The following RBMS1 variants were observed in gnomAD, a reference collection of about 807,000 sequenced individuals.
RBMS1 encodes the protein RNA binding motif single stranded interacting protein 1.
A neutral mutation model predicts 62.3 loss-of-function variants in RBMS1; 17 were observed. That is an observed-to-expected ratio of 0.27 (90% CI 0.19 to 0.41). The LOEUF is 0.41. Among genes scored for constraint, RBMS1 ranks in the 10% least tolerant of loss-of-function variants. The probability of loss-of-function intolerance (pLI) is 1.00; values close to 1 mark genes in which losing one functional copy is unlikely to be tolerated. For missense variants in RBMS1, 334 were observed against 504.5 expected, an observed-to-expected ratio of 0.66 and a Z score of 3.24; for synonymous variants, 172 against 170.0, an observed-to-expected ratio of 1.01 and a Z score of -0.09.
intron 2 of RBMS1, among the ~76,000 whole-genome samples, chr2:160,341,318 C>T (rs555946942): frequency 8.2e-4 from 125 of 152,224 alleles, no homozygotes; most frequent in Middle Eastern, 6.8e-3. Context: ...TTGTGATAAA[C>T]ACCCTTTTAC....
chr2:160,406,900 G>A (rs939472196), intron 1 of RBMS1, among the ~76,000 whole-genome samples: 2 of 152,148 alleles, frequency 1.3e-5, no homozygotes, highest in African/African-American at 4.8e-5. Flanking sequence ...TCTGCAACTA[G>A]GATGTCACAG....
intron 2 of RBMS1, among the ~76,000 whole-genome samples, chr2:160,320,430 G>A (rs116699217): frequency 0.011 from 1,641 of 152,246 alleles, 39 homozygotes; most frequent in African/African-American, 0.035. Context: ...CCATGATCTC[G>A]TCACTGCACT....
chr2:160,461,473 C>T (rs1031133560), intron 1 of RBMS1, among the ~76,000 whole-genome samples: 2 of 152,118 alleles, frequency 1.3e-5, no homozygotes, highest in East Asian at 3.9e-4. Flanking sequence ...ACAGGAATGA[C>T]TTCCTGTCCC....
At chr2:160,433,628 G>A (rs953532485) in intron 1 of RBMS1, among the ~76,000 whole-genome samples, 18 of 152,188 alleles carry the variant, frequency 1.2e-4, no homozygotes, top group African/African-American at 4.3e-4. Context: ...CAATGTTAAA[G>A]TGAAAAATAG....
At chr2:160,286,049 T>C (rs1321904314) in intron 7 of RBMS1, among the ~76,000 whole-genome samples, 1 of 151,960 alleles carries the variant, frequency 6.6e-6, no homozygotes, top group Non-Finnish European at 1.5e-5. Flanking sequence ...AGGCAGAGCT[T>C]GCAGTGAGCG....
At position 160,441,716 on chromosome 2, in the gene RBMS1, G is replaced by A. The variant is rs185066041; in HGVS notation, c.75+51573C>T. 3.5e-4 allele frequency among the ~76,000 whole-genome samples: 54 copies of A among 152,294 alleles called. No homozygotes were observed. In the East Asian group the frequency reaches 5.4e-3, roughly 15 times the overall value. ...TCCAGCCTAGGCAACAGAGTGAGAC[G>A]AAAACTTTATAAGAAACTGCTGAAC... On this transcript the variant is annotated intron_variant, in intron 1 of 13. Coordinates refer to ENST00000348849, the MANE Select transcript of RBMS1 (RefSeq NM_016836.4).
chr2:160,307,029 T>G (rs1439586133), intron 4 of RBMS1, among the ~76,000 whole-genome samples: 2 of 151,990 alleles, frequency 1.3e-5, no homozygotes, highest in African/African-American at 4.8e-5. Context: ...AGTAGAAAAC[T>G]AGATCTCACA....
At chr2:160,466,482 G>A (rs1684696484) in intron 1 of RBMS1, among the ~76,000 whole-genome samples, 1 of 152,076 alleles carries the variant, frequency 6.6e-6, no homozygotes, top group African/African-American at 2.4e-5. Flanking sequence ...TTAAATTTGA[G>A]AATTGGAACA....
At chr2:160,485,787 T>C (rs1406242033) in intron 1 of RBMS1, among the ~76,000 whole-genome samples, 1 of 152,006 alleles carries the variant, frequency 6.6e-6, no homozygotes. Context: ...AAAAAGAGGC[T>C]GAGATTAGGC....
chr2:160,324,907 T>TATAC (rs1321182985), intron 2 of RBMS1, among the ~76,000 whole-genome samples: 288 of 106,770 alleles, frequency 2.7e-3, no homozygotes, highest in Non-Finnish European at 3.4e-3. Context: ...TATATATATA[T>TATAC]ACACACACAC....
intron 1 of RBMS1, among the ~76,000 whole-genome samples, chr2:160,426,286 AAAGAAAAG>A (rs1172598512): frequency 1.9e-5 from 2 of 103,722 alleles, no homozygotes; most frequent in African/African-American, 8.1e-5. Flanking sequence ...AGAAAGAAAG[AAAGAAAAG>A]AAAGAAGGAA....
At chr2:160,379,993 T>C (rs776106799) in intron 1 of RBMS1, among the ~76,000 whole-genome samples, 1 of 152,232 alleles carries the variant, frequency 6.6e-6, no homozygotes, top group Non-Finnish European at 1.5e-5. Context: ...TCTTCTTTCA[T>C]GATATTTAGT....
intron 4 of RBMS1, among the ~76,000 whole-genome samples, chr2:160,304,915 C>T (rs1405686956): frequency 1.3e-5 from 2 of 151,996 alleles, no homozygotes; most frequent in African/African-American, 2.4e-5. Context: ...AGTGCAGTGG[C>T]GCGATCTCAG....
chr2:160,358,947 T>A lies in RBMS1; in HGVS notation c.251+8269A>T, dbSNP rs536331721. On this transcript the variant is annotated intron_variant, in intron 2 of 13. Coordinates refer to ENST00000348849, the MANE Select transcript of RBMS1 (RefSeq NM_016836.4). Reference sequence around the variant, plus strand: ...TCAGTAGCTTTGTAAAATACCATTTTAAAAAAAACAGAAAATTCAAACAAC... The same window carrying A: ...TCAGTAGCTTTGTAAAATACCATTTAAAAAAAAACAGAAAATTCAAACAAC... Among the ~76,000 whole-genome samples the A allele has an allele frequency of 1.7e-3, 252 of 151,904 alleles. 1 individual carries two copies. The highest frequency in any genetic ancestry group is 3.9e-3 in the African/African-American group (161 of 41,452).
intron 4 of RBMS1, among the ~76,000 whole-genome samples, chr2:160,307,160 C>T (rs1259303535): frequency 2.6e-5 from 4 of 151,980 alleles, no homozygotes; most frequent in African/African-American, 9.7e-5. Context: ...AAAACCTCCC[C>T]GTGCGTGTGG....
At chr2:160,435,437 G>A (rs1440499741) in intron 1 of RBMS1, among the ~76,000 whole-genome samples, 2 of 152,168 alleles carry the variant, frequency 1.3e-5, no homozygotes, top group African/African-American at 2.4e-5. Flanking sequence ...AAGGTGACCC[G>A]AACATCAGTC....
chr2:160,321,445 T>C (rs1449070699), intron 2 of RBMS1, among the ~76,000 whole-genome samples: 2 of 152,248 alleles, frequency 1.3e-5, no homozygotes, highest in Non-Finnish European at 2.9e-5. Context: ...TTTTAATTAA[T>C]GAATCTCCTC....
chr2:160,355,405 G>A (rs1326667283), intron 2 of RBMS1, among the ~76,000 whole-genome samples: 1 of 152,078 alleles, frequency 6.6e-6, no homozygotes, highest in East Asian at 1.9e-4. Context: ...CCTGAGAGTA[G>A]ATGAGAATTT....
intron 1 of RBMS1, among the ~76,000 whole-genome samples, chr2:160,380,193 T>C (rs1187403638): frequency 6.6e-6 from 1 of 152,010 alleles, no homozygotes; most frequent in African/African-American, 2.4e-5. Flanking sequence ...AACACATTTA[T>C]GAAGAAAATG....
Sources: gnomAD v4.1 joint callset for allele counts (sites outside exome capture counted in the v4.1 genomes callset) on GRCh38, gnomAD v4.1.1 for gene constraint, MANE v1.5 for transcripts, NCBI Gene and HGNC (gene_info 2026-07-23, HGNC 2026-07-21) for gene names.